Variants in DCC observed in about 807,000 individuals in gnomAD.
DCC encodes DCC netrin 1 receptor, also known as netrin receptor DCC.
A neutral mutation model predicts 172.5 loss-of-function variants in DCC; 58 were observed. The observed-to-expected ratio is 0.34, with a 90% confidence interval of 0.27 to 0.42. The LOEUF (loss-of-function observed/expected upper bound fraction) is 0.42. Among genes scored for constraint, DCC ranks in the 10% least tolerant of loss-of-function variants. The pLI, the probability that DCC is intolerant of heterozygous loss-of-function variation, is 1.00. For synonymous variants in DCC, 709 were observed against 644.5 expected (o/e 1.10, Z -1.52); for missense variants, 1,740 against 1,791.0 (o/e 0.97, Z 0.51).
chr18:52,713,631 G>T (rs191643678), intron 1 of DCC, among the ~76,000 whole-genome samples: 1 of 152,156 alleles, frequency 6.6e-6, no homozygotes, highest in African/African-American at 2.4e-5. Context: ...TGATTGAGAT[G>T]ATCATTTTTA....
At chr18:52,735,498 T>C (rs72916196) in intron 1 of DCC, among the ~76,000 whole-genome samples, 31,287 of 152,044 alleles carry the variant, frequency 0.21, 3,779 homozygotes, top group Admixed American at 0.31. Context: ...ATAGGCCATC[T>C]GCAGTCTGAG....
At chr18:52,583,632 G>C (rs187204432) in intron 1 of DCC, among the ~76,000 whole-genome samples, 2 of 152,024 alleles carry the variant, frequency 1.3e-5, no homozygotes, top group Non-Finnish European at 2.9e-5. Context: ...TTGGTTTAAC[G>C]TGTATATTTC....
At chr18:53,291,990 A>C (rs868032553) in intron 12 of DCC, among the ~76,000 whole-genome samples, 3 of 152,292 alleles carry the variant, frequency 2.0e-5, no homozygotes, top group African/African-American at 7.2e-5. Context: ...CTACTAGGCT[A>C]TGCATAGAAA....
intron 2 of DCC, among the ~76,000 whole-genome samples, chr18:52,779,478 T>C (rs1457187774): frequency 6.6e-6 from 1 of 152,010 alleles, no homozygotes; most frequent in East Asian, 1.9e-4. Flanking sequence ...TGCAAGGACA[T>C]GAACTCATCC....
chr18:53,513,985 T>C lies in DCC; in HGVS notation c.4112-12632T>C, dbSNP rs570347970. On this transcript the variant is annotated intron_variant, in intron 27 of 28. Coordinates refer to ENST00000442544, the MANE Select transcript of DCC (RefSeq NM_005215.4). ...GACCTAATACACATCTACAGAACTC[T>C]CCACCCCAAATCAACAGAATATACA... Among the ~76,000 whole-genome samples, 203 of 151,200 alleles carry C rather than the reference T, an allele frequency of 1.3e-3. 1 individual carries two copies. Among genetic ancestry groups the C allele is most frequent in the South Asian group, 2.1e-3 (10 of 4,748 alleles).
chr18:52,374,587 A>G (rs1236396383), intron 1 of DCC, among the ~76,000 whole-genome samples: 1 of 152,226 alleles, frequency 6.6e-6, no homozygotes, highest in Non-Finnish European at 1.5e-5. Flanking sequence ...AAGAACACAG[A>G]TAGGGCCAAC....
At chr18:52,840,057 A>C (rs1245393799) in intron 2 of DCC, among the ~76,000 whole-genome samples, 4 of 152,176 alleles carry the variant, frequency 2.6e-5, no homozygotes, top group Non-Finnish European at 5.9e-5. Context: ...AGTGGGCCCC[A>C]GTTACTTAAC....
chr18:52,647,136 A>AT (rs1468660248), intron 1 of DCC, among the ~76,000 whole-genome samples: 1 of 152,220 alleles, frequency 6.6e-6, no homozygotes, highest in Non-Finnish European at 1.5e-5. Flanking sequence ...AGAAACTCTC[A>AT]GTATTGACCT....
At chr18:53,390,533 G>A (rs772504051) in intron 16 of DCC, among the ~76,000 whole-genome samples, 24 of 152,186 alleles carry the variant, frequency 1.6e-4, no homozygotes, top group Admixed American at 8.5e-4. Flanking sequence ...CATATGCCCA[G>A]CCTGAGAGTT....
chr18:52,580,553 A>G (rs2033521244), intron 1 of DCC, among the ~76,000 whole-genome samples: 1 of 152,196 alleles, frequency 6.6e-6, no homozygotes, highest in South Asian at 2.1e-4. Flanking sequence ...CTACTGCAGT[A>G]TTTATAAATT....
Position 53,299,113 on chromosome 18 carries a change from G to T in DCC, c.1912-6465G>T, listed in dbSNP as rs545470362. The stretch of plus-strand genomic sequence containing the variant: ...AGTTTCTAAAACACTGGGGAGTAAA[G>T]AATATGTCCACACATGTGCACCTAC... On this transcript the variant is annotated intron_variant, in intron 12 of 28. Transcript: ENST00000442544. 4.9e-4 allele frequency among the ~76,000 whole-genome samples: 75 copies of T among 152,260 alleles called. 1 individual carries two copies. The Middle Eastern group carries it at 0.024, about 48-fold the overall frequency.
intron 21 of DCC, among the ~76,000 whole-genome samples, chr18:53,423,425 G>C (rs62098270): frequency 0.43 from 65,240 of 151,576 alleles, 15,778 homozygotes; most frequent in Non-Finnish European, 0.55. Flanking sequence ...CTATCTGACT[G>C]TAACGTCTCT....
chr18:53,358,634 C>T (rs1643661043), intron 15 of DCC, among the ~76,000 whole-genome samples: 1 of 147,528 alleles, frequency 6.8e-6, no homozygotes, highest in South Asian at 2.1e-4. Flanking sequence ...GATTCTCCTG[C>T]CTCAGCCTCC....
chr18:53,171,565 T>C (rs2055013976), intron 8 of DCC, among the ~76,000 whole-genome samples: 1 of 152,238 alleles, frequency 6.6e-6, no homozygotes, highest in Non-Finnish European at 1.5e-5. Flanking sequence ...TTTTGGAGGC[T>C]AATGAAGATT....
chr18:52,875,989 TTAAAA>T (rs2039398175), intron 2 of DCC, among the ~76,000 whole-genome samples: 1 of 152,052 alleles, frequency 6.6e-6, no homozygotes, highest in African/African-American at 2.4e-5. Flanking sequence ...AGAACACACT[TTAAAA>T]TAAAAGGAAT....
chr18:52,852,805 C>A (rs55866033), intron 2 of DCC, among the ~76,000 whole-genome samples: 11,118 of 152,060 alleles, frequency 0.073, 784 homozygotes, highest in East Asian at 0.3. Flanking sequence ...ATGATAGTTG[C>A]CATTGTTGAA....
chr18:53,026,484 G>T (rs1052438623), intron 5 of DCC, among the ~76,000 whole-genome samples: 1 of 152,034 alleles, frequency 6.6e-6, no homozygotes, highest in African/African-American at 2.4e-5. Context: ...TTTCCCTTTA[G>T]AAAATGTAGT....
chr18:53,294,273 A>G (rs1389598903), intron 12 of DCC, among the ~76,000 whole-genome samples: 1 of 152,220 alleles, frequency 6.6e-6, no homozygotes, highest in Non-Finnish European at 1.5e-5. Flanking sequence ...ATACACTTGA[A>G]AAAGATCTTG....
At chr18:53,175,603 A>G (rs2055079864) in intron 8 of DCC, among the ~76,000 whole-genome samples, 1 of 151,226 alleles carries the variant, frequency 6.6e-6, no homozygotes. Flanking sequence ...TAAAATACCT[A>G]GGAATCCAAC....
Sources: gnomAD v4.1 joint callset for allele counts (sites outside exome capture counted in the v4.1 genomes callset) on GRCh38, gnomAD v4.1.1 for gene constraint, MANE v1.5 for transcripts, NCBI Gene and HGNC (gene_info 2026-07-23, HGNC 2026-07-21) for gene names.